Variants in CNTFR observed in about 807,000 individuals in gnomAD.
CNTFR encodes the protein ciliary neurotrophic factor receptor.
A neutral mutation model predicts 40.4 loss-of-function variants in CNTFR; 12 were observed. That is an observed-to-expected ratio of 0.30 (90% CI 0.19 to 0.48). The LOEUF is 0.48. CNTFR is among the 20% of genes least tolerant of loss of function. The pLI is 0.99. For synonymous variants in CNTFR, 202 were observed against 209.6 expected, an observed-to-expected ratio of 0.96 and a Z score of 0.31; for missense variants, 414 against 506.8, an observed-to-expected ratio of 0.82 and a Z score of 1.76.
At chr9:34,570,991 T>G (rs978896832) in intron 2 of CNTFR, among the ~76,000 whole-genome samples, 40 of 152,180 alleles carry the variant, frequency 2.6e-4, no homozygotes, top group African/African-American at 9.4e-4. Context: ...TGACTGCCCC[T>G]CCCTGGCACA....
At chr9:34,553,429 C>T (rs932993056) in intron 7 of CNTFR, among the ~76,000 whole-genome samples, 3 of 152,166 alleles carry the variant, frequency 2.0e-5, no homozygotes, top group Admixed American at 2.0e-4. Context: ...AGAGTATCCA[C>T]CTCTTAGGGT....
intron 4 of CNTFR, among the ~76,000 whole-genome samples, chr9:34,562,184 G>A (rs915238779): frequency 1.3e-5 from 2 of 152,310 alleles, no homozygotes; most frequent in South Asian, 2.1e-4. Flanking sequence ...GTGGGTGACC[G>A]GTGCCAAGTT....
chr9:34,568,866 GGGTCAGCAGGC>G lies in CNTFR; in HGVS notation c.85+20_85+30del, dbSNP rs1277275735. On this transcript the variant is annotated intron_variant, in intron 3 of 9. Transcript: ENST00000378980. Reference sequence around the variant, plus strand: ...GGGTTCATGCCCAGCTCTGAGAGGGGGGTCAGCAGGCGGCTCCCGTGAGCACTCACCCTGTG... The same window carrying G: ...GGGTTCATGCCCAGCTCTGAGAGGGGGGCTCCCGTGAGCACTCACCCTGTG... 17 of 1,551,908 alleles carry G rather than the reference GGGTCAGCAGGC, an allele frequency of 1.1e-5. No homozygotes were observed. The Admixed American group carries it at 3.3e-4, about 30-fold the overall frequency.
chr9:34,558,429 G>GAC (rs1215659444), intron 4 of CNTFR, among the ~76,000 whole-genome samples: 1 of 152,212 alleles, frequency 6.6e-6, no homozygotes, highest in Non-Finnish European at 1.5e-5. Flanking sequence ...CTAGAGAAGA[G>GAC]ACACCCCAGA....
rs756354569 is a variant in CNTFR at position 34,568,910 on chromosome 9, T to C, written c.72A>G (p.Arg24=). The C allele has an allele frequency of 1.3e-5, 21 of 1,594,396 alleles. No homozygotes were observed. Among genetic ancestry groups the C allele is most frequent in the Non-Finnish European group, 1.8e-5 (21 of 1,170,908 alleles). The change falls in exon 3 of 10, where the codon AGA becomes AGG. Residue 24 remains arginine, a synonymous_variant. Coordinates refer to ENST00000378980, the MANE Select transcript of CNTFR (RefSeq NM_147164.3). ...AAAAAVVYAQ[R]HSPQEAPHVQ... is the part of the protein sequence containing the mutation. ...GTGAGCACTCACCCTGTGGACTGTGTCTCTGGGCGTAGACAACTGCGGCGG... is the reference window on the plus strand; with the variant it reads ...GTGAGCACTCACCCTGTGGACTGTGCCTCTGGGCGTAGACAACTGCGGCGG...
chr9:34,556,006 C>T (rs1341568705), intron 7 of CNTFR, among the ~76,000 whole-genome samples: 1 of 146,408 alleles, frequency 6.8e-6, no homozygotes, highest in Non-Finnish European at 1.5e-5. Flanking sequence ...CTGCATTTCT[C>T]TCCACGACCC....
intron 2 of CNTFR, among the ~76,000 whole-genome samples, chr9:34,578,955 C>A (rs1187801083): frequency 6.6e-6 from 1 of 152,218 alleles, no homozygotes; most frequent in Non-Finnish European, 1.5e-5. Flanking sequence ...CAGGGCCAGA[C>A]TCCTAGGGTC....
chr9:34,568,796 A>G, intron 3 of CNTFR, 101 bp downstream of exon 3: 1 of 1,032,690 alleles, frequency 9.7e-7, no homozygotes, highest in South Asian at 1.4e-5. Flanking sequence ...TGACAATGCC[A>G]GTGTGTGACT....
In CNTFR at chr9:34,552,203, G is replaced by A; in HGVS notation, c.1076C>T (p.Ala359Val). The A allele has an allele frequency of 6.3e-7, 1 of 1,587,336 alleles. No individual in the cohort carries two copies. The highest frequency in any genetic ancestry group is 1.1e-5 in the South Asian group (1 of 87,426). ...PFLVSVPITL[A>V]LAAAAATASS... ...GGCAGTGGCGGCAGCGGCAGCCAGGGCCAGAGTGATGGGGACGCTGACCAA... is the reference window on the plus strand; with the variant it reads ...GGCAGTGGCGGCAGCGGCAGCCAGGACCAGAGTGATGGGGACGCTGACCAA... Residue 359 changes from alanine to valine, a missense_variant, in exon 9 of 10, where the codon GCC becomes GTC. This residue lies in a region of CNTFR where 81 missense variants were observed against 92.2 expected (regional missense o/e 0.88). Transcript: ENST00000378980. This position sits in a 1 kb window ranked among gnomAD's most constrained non-coding sequence, Gnocchi z 5.1.
intron 4 of CNTFR, among the ~76,000 whole-genome samples, chr9:34,560,055 A>G (rs1826007717): frequency 6.6e-6 from 1 of 152,210 alleles, no homozygotes; most frequent in Non-Finnish European, 1.5e-5. Flanking sequence ...CTGGGCCCTG[A>G]GCAGGGAAGG....
rs577054519 is a variant in CNTFR at position 34,557,008 on chromosome 9, G to A, written c.604+518C>T. Among the ~76,000 whole-genome samples the A allele has an allele frequency of 2.6e-5, 4 of 151,988 alleles. No individual in the cohort carries two copies. The highest frequency in any genetic ancestry group is 5.9e-5 in the Non-Finnish European group (4 of 67,978). On this transcript the variant is annotated intron_variant, in intron 6 of 9. Coordinates refer to ENST00000378980, the MANE Select transcript of CNTFR (RefSeq NM_147164.3). This position sits in a 1 kb window ranked among gnomAD's most constrained non-coding sequence, Gnocchi z 4.2. ...GCCATGGGGTCTGGGGAGAAGACAGGGGCAGGCAGAAGGTCTGGCTGGGGC... is the reference window on the plus strand; with the variant it reads ...GCCATGGGGTCTGGGGAGAAGACAGAGGCAGGCAGAAGGTCTGGCTGGGGC...
At chr9:34,553,787 G>A (rs1490649439) in intron 7 of CNTFR, among the ~76,000 whole-genome samples, 1 of 152,242 alleles carries the variant, frequency 6.6e-6, no homozygotes, top group African/African-American at 2.4e-5. Context: ...GCTGGGCTCT[G>A]GTTCATCTCA....
intron 1 of CNTFR, among the ~76,000 whole-genome samples, chr9:34,583,839 C>T (rs1006163606): frequency 5.9e-5 from 9 of 152,178 alleles, no homozygotes; most frequent in African/African-American, 1.4e-4. Context: ...CGCAATTTCA[C>T]GGAGGGGCCC....
intron 2 of CNTFR, among the ~76,000 whole-genome samples, chr9:34,579,201 A>G (rs1827161061): frequency 1.3e-5 from 2 of 151,854 alleles, no homozygotes; most frequent in South Asian, 4.2e-4. Flanking sequence ...AGGGGCTTTT[A>G]GCTCAAAAGG....
chr9:34,576,343 C>T (rs1472249137), intron 2 of CNTFR, among the ~76,000 whole-genome samples: 1 of 152,220 alleles, frequency 6.6e-6, no homozygotes, highest in Admixed American at 6.5e-5. Context: ...TACCATCACA[C>T]ACTCCGAACA....
intron 1 of CNTFR, among the ~76,000 whole-genome samples, chr9:34,583,047 A>G (rs1360731733): frequency 6.6e-6 from 1 of 152,158 alleles, no homozygotes; most frequent in Non-Finnish European, 1.5e-5. Context: ...TCTGATTAAT[A>G]ATAAATGCCC....
chr9:34,567,203 G>A (rs562171137), intron 3 of CNTFR, among the ~76,000 whole-genome samples: 139 of 152,016 alleles, frequency 9.1e-4, no homozygotes, highest in Non-Finnish European at 1.5e-3. Context: ...TGGCCCTGAA[G>A]CGGTGACAAA....
chr9:34,565,602 G>A (rs1315978451), intron 3 of CNTFR, among the ~76,000 whole-genome samples: 1 of 151,992 alleles, frequency 6.6e-6, no homozygotes, highest in African/African-American at 2.4e-5. Flanking sequence ...GATGGAGTGA[G>A]CACTCTGACC....
At chr9:34,565,924 G>A (rs1188498153) in intron 3 of CNTFR, among the ~76,000 whole-genome samples, 1 of 151,820 alleles carries the variant, frequency 6.6e-6, no homozygotes, top group Non-Finnish European at 1.5e-5. Flanking sequence ...AGAGGAGAAG[G>A]GAAGGGGGAG....
Sources: allele counts gnomAD v4.1 joint callset (sites outside exome capture counted in the v4.1 genomes callset), GRCh38; gene constraint gnomAD v4.1.1; regional missense constraint gnomAD v4.1.1; non-coding constraint Gnocchi (gnomAD v3.1); transcripts MANE v1.5; gene names NCBI Gene and HGNC (gene_info 2026-07-23, HGNC 2026-07-21).